The following BLMH variants were observed in gnomAD, a reference collection of about 807,000 sequenced individuals.
BLMH encodes the protein bleomycin hydrolase, also known as BLM hydrolase.
A neutral mutation model predicts 61.6 loss-of-function variants in BLMH; 32 were observed. The ratio of observed to expected loss-of-function variants is 0.52; its 90% CI spans 0.39 to 0.70. The LOEUF (loss-of-function observed/expected upper bound fraction) is 0.70. Among genes scored for constraint, BLMH ranks in the 30% least tolerant of loss-of-function variants. The pLI, the probability that BLMH is intolerant of heterozygous loss-of-function variation, is 0.00. For synonymous variants in BLMH, 183 were observed against 193.8 expected (o/e 0.94, Z 0.46); for missense variants, 460 against 555.5 (o/e 0.83, Z 1.73).
intron 6 of BLMH, among the ~76,000 whole-genome samples, chr17:30,275,484 C>A (rs900176311): frequency 9.2e-5 from 14 of 152,000 alleles, no homozygotes; most frequent in South Asian, 8.3e-4. Flanking sequence ...CATGGTGAAA[C>A]CCTGTCTTTA....
chr17:30,280,504 T>G (rs1908557200), intron 6 of BLMH, among the ~76,000 whole-genome samples: 1 of 152,156 alleles, frequency 6.6e-6, no homozygotes, highest in Non-Finnish European at 1.5e-5. Flanking sequence ...AGAGACAGGG[T>G]GTCCCTCTGT....
Position 30,248,541 on chromosome 17 carries a change from A to G in BLMH, c.*476T>C, listed in dbSNP as rs571540016. ...TACCTTGAAAAAATGGAATTCAGTG[A>G]CTGCCATCTAGGAAAGACAGTGATA... On this transcript the variant is annotated 3_prime_UTR_variant, in exon 12 of 12. Transcript: ENST00000261714. 6.5e-6 allele frequency: 1 copy of G among 153,714 alleles called. No homozygotes were observed. The highest frequency in any genetic ancestry group is 2.4e-5 in the African/African-American group (1 of 41,542). 9.5% of individuals were successfully genotyped at this position (153,714 alleles called of 1,614,324 possible).
At chr17:30,279,927 G>A (rs189190025) in intron 6 of BLMH, among the ~76,000 whole-genome samples, 12 of 152,270 alleles carry the variant, frequency 7.9e-5, no homozygotes, top group Non-Finnish European at 1.3e-4. Context: ...TATGAAATAA[G>A]GGGAAAGAAT....
At chr17:30,289,050 A>G (rs751078586) in intron 3 of BLMH, among the ~76,000 whole-genome samples, 9 of 152,210 alleles carry the variant, frequency 5.9e-5, no homozygotes, top group Non-Finnish European at 1.0e-4. Context: ...TAGGTCCTAG[A>G]AAAGAACAAA....
intron 10 of BLMH, 107 bp from the exon 11 acceptor site, chr17:30,267,061 T>C (rs1908132180): frequency 1.1e-6 from 1 of 877,488 alleles, no homozygotes; most frequent in Non-Finnish European, 1.8e-6. Flanking sequence ...CAGCCTGCTC[T>C]ATACAGGCAG....
intron 11 of BLMH, among the ~76,000 whole-genome samples, chr17:30,262,897 G>A (rs1320011195): frequency 6.6e-6 from 1 of 152,216 alleles, no homozygotes; most frequent in African/African-American, 2.4e-5. Flanking sequence ...CATAGTTTCT[G>A]ACTTGCCTAA....
chr17:30,282,215 C>T (rs975438732), intron 6 of BLMH, among the ~76,000 whole-genome samples: 5 of 144,130 alleles, frequency 3.5e-5, no homozygotes. Flanking sequence ...TTTTAACAGA[C>T]AAGGTTTTTT....
chr17:30,273,928 G>T, intron 7 of BLMH, 114 bp downstream of exon 7: 1 of 1,308,236 alleles, frequency 7.6e-7, no homozygotes, highest in Non-Finnish European at 1.1e-6. Context: ...AAAAATGTTT[G>T]TTTGCTGTCT....
At chr17:30,273,752 T>C in intron 7 of BLMH, 2 of 414,304 alleles carry the variant, frequency 4.8e-6, no homozygotes, top group South Asian at 5.7e-5. Context: ...TTCATTGTTT[T>C]GCACTTGAGA....
At chr17:30,259,942 C>T (rs75584638) in intron 11 of BLMH, among the ~76,000 whole-genome samples, 76 of 152,230 alleles carry the variant, frequency 5.0e-4, no homozygotes, top group Non-Finnish European at 9.6e-4. Flanking sequence ...GAAACTGGAA[C>T]CATGGGGCAA....
chr17:30,261,264 G>C (rs2143020499), intron 11 of BLMH, among the ~76,000 whole-genome samples: 1 of 152,244 alleles, frequency 6.6e-6, no homozygotes, highest in East Asian at 1.9e-4. Context: ...ACCCAAACAA[G>C]ACACAACTGT....
chr17:30,259,132 T>C lies in BLMH; in HGVS notation c.1216+7753A>G, dbSNP rs937354241. 5.0e-4 allele frequency among the ~76,000 whole-genome samples: 76 copies of C among 152,360 alleles called. 1 individual carries two copies. The highest frequency in any genetic ancestry group is 1.8e-3 in the African/African-American group (76 of 41,590). On this transcript the variant is annotated intron_variant, in intron 11 of 11. Transcript: ENST00000261714. ...GACTCTGCGCTTATTCTTGTGTTTA[T>C]GTTTTACATATTTATTCTTACAATA...
chr17:30,272,543 T>C lies in BLMH; in HGVS notation c.1028+18A>G, dbSNP rs1908305259. On this transcript the variant is annotated intron_variant, in intron 9 of 11. Coordinates refer to ENST00000261714, the MANE Select transcript of BLMH (RefSeq NM_000386.4). ...ACAACCCACAAATGACTTTCCATTT[T>C]AAATTTCCTGCACTCACAGATTCAT... is the stretch of plus-strand genomic sequence containing the variant. 5 of 1,613,998 alleles carry C rather than the reference T, an allele frequency of 3.1e-6. No individual in the cohort carries two copies. The highest frequency in any genetic ancestry group is 4.2e-6 in the Non-Finnish European group (5 of 1,179,880).
intron 11 of BLMH, among the ~76,000 whole-genome samples, chr17:30,261,594 A>C (rs1907962347): frequency 6.6e-6 from 1 of 152,254 alleles, no homozygotes; most frequent in Non-Finnish European, 1.5e-5. Context: ...TAGAAATGTG[A>C]CACTACAATG....
intron 11 of BLMH, among the ~76,000 whole-genome samples, chr17:30,264,352 G>A (rs1014176823): frequency 2.0e-5 from 3 of 152,134 alleles, no homozygotes; most frequent in African/African-American, 7.2e-5. Context: ...GAGAGTTACA[G>A]GGATAGCAAG....
At chr17:30,262,462 TTA>T (rs1907982862) in intron 11 of BLMH, among the ~76,000 whole-genome samples, 1 of 152,196 alleles carries the variant, frequency 6.6e-6, no homozygotes. Flanking sequence ...CCTGTTTACT[TTA>T]TATATGTTTA....
At chr17:30,257,345 G>A (rs542907632) in intron 11 of BLMH, among the ~76,000 whole-genome samples, 37 of 152,322 alleles carry the variant, frequency 2.4e-4, no homozygotes, top group Non-Finnish European at 4.4e-4. Flanking sequence ...ATGTCCCCAA[G>A]ATACGCTGTA....
intron 11 of BLMH, among the ~76,000 whole-genome samples, chr17:30,258,982 TC>T (rs746254644): frequency 7.9e-5 from 12 of 151,934 alleles, no homozygotes; most frequent in Non-Finnish European, 1.6e-4. Flanking sequence ...GGCCTCCCTC[TC>T]CCTTTTCAGA....
At chr17:30,290,502 A>G (rs1230629701) in intron 2 of BLMH, among the ~76,000 whole-genome samples, 5 of 152,254 alleles carry the variant, frequency 3.3e-5, no homozygotes. Context: ...GGTATAATGT[A>G]CATACAATAA....
Sources: allele counts gnomAD v4.1 joint callset (sites outside exome capture counted in the v4.1 genomes callset), GRCh38; gene constraint gnomAD v4.1.1; transcripts MANE v1.5; gene names NCBI Gene and HGNC (gene_info 2026-07-23, HGNC 2026-07-21).